SYNDIG1: variants seen among roughly 807,000 people sequenced by gnomAD.
The protein encoded by SYNDIG1 is synapse differentiation inducing 1, also known as synapse differentiation-inducing gene protein 1.
Under a neutral mutation model 19.4 loss-of-function variants are expected in SYNDIG1, and 9 were observed. The observed-to-expected ratio is 0.46, with a 90% CI of 0.28 to 0.81. SYNDIG1 has a LOEUF of 0.81. Among genes scored for constraint, SYNDIG1 ranks in the 30% least tolerant of loss-of-function variants. The pLI is 0.12. For synonymous variants in SYNDIG1, 141 were observed against 145.9 expected, an observed-to-expected ratio of 0.97 and a Z score of 0.24; for missense variants, 311 against 343.3, an observed-to-expected ratio of 0.91 and a Z score of 0.74.
intron 1 of SYNDIG1, among the ~76,000 whole-genome samples, chr20:24,530,805 T>G (rs1425109920): frequency 2.9e-5 from 4 of 138,808 alleles, no homozygotes; most frequent in Admixed American, 6.8e-5. Flanking sequence ...GTTTTTTGGG[T>G]TTTTTGTTTT....
At chr20:24,662,097 A>T (rs1021983639) in intron 3 of SYNDIG1, among the ~76,000 whole-genome samples, 2 of 152,004 alleles carry the variant, frequency 1.3e-5, no homozygotes, top group African/African-American at 2.4e-5. Flanking sequence ...GATAGTGACC[A>T]TTCAACCTAA....
chr20:24,510,957 T>G (rs1380429343), intron 1 of SYNDIG1, among the ~76,000 whole-genome samples: 1 of 152,242 alleles, frequency 6.6e-6, no homozygotes, highest in Admixed American at 6.5e-5. Flanking sequence ...TATTTCAAGT[T>G]TGCTTATTAA....
intron 1 of SYNDIG1, among the ~76,000 whole-genome samples, chr20:24,528,660 A>G (rs2146602294): frequency 6.6e-6 from 1 of 152,300 alleles, no homozygotes; most frequent in South Asian, 2.1e-4. Context: ...CGAGGGCTTA[A>G]TCACCTCCAA....
intron 1 of SYNDIG1, among the ~76,000 whole-genome samples, chr20:24,486,637 C>T (rs948014170): frequency 3.3e-5 from 5 of 151,382 alleles, no homozygotes; most frequent in South Asian, 2.1e-4. Flanking sequence ...TTCTTTCTTT[C>T]ATTTATTTAT....
At chr20:24,603,075 G>C (rs1267196302) in intron 3 of SYNDIG1, among the ~76,000 whole-genome samples, 1 of 152,122 alleles carries the variant, frequency 6.6e-6, no homozygotes, top group Admixed American at 6.5e-5. Flanking sequence ...TTATTTAAAT[G>C]CTACAAAGAG....
chr20:24,623,396 G>A (rs963271059), intron 3 of SYNDIG1, among the ~76,000 whole-genome samples: 1 of 152,060 alleles, frequency 6.6e-6, no homozygotes, highest in South Asian at 2.1e-4. Context: ...ATAAGAAATA[G>A]CAAGGAAATT....
chr20:24,580,210 G>A (rs978027123), intron 2 of SYNDIG1, among the ~76,000 whole-genome samples: 3 of 152,164 alleles, frequency 2.0e-5, no homozygotes, highest in Admixed American at 6.5e-5. Context: ...CTTGGTGTTG[G>A]GGATTGTGTG....
intron 3 of SYNDIG1, among the ~76,000 whole-genome samples, chr20:24,616,032 G>C (rs972938086): frequency 2.0e-5 from 3 of 152,176 alleles, no homozygotes; most frequent in Non-Finnish European, 4.4e-5. Flanking sequence ...AGAAACCACA[G>C]ATGTCTTCAC....
chr20:24,518,338 ACT>A (rs2056931856), intron 1 of SYNDIG1, among the ~76,000 whole-genome samples: 1 of 151,484 alleles, frequency 6.6e-6, no homozygotes, highest in African/African-American at 2.4e-5. Flanking sequence ...AGCAATGGGG[ACT>A]CTTTGCAGTC....
intron 1 of SYNDIG1, among the ~76,000 whole-genome samples, chr20:24,488,950 T>C (rs563138019): frequency 2.0e-5 from 3 of 152,316 alleles, no homozygotes; most frequent in East Asian, 1.9e-4. Context: ...TCCTGTTCTA[T>C]GTGAAAAGCC....
At chr20:24,639,858 C>T (rs2059353097) in intron 3 of SYNDIG1, among the ~76,000 whole-genome samples, 1 of 152,116 alleles carries the variant, frequency 6.6e-6, no homozygotes, top group Non-Finnish European at 1.5e-5. Flanking sequence ...ATTAGCACTG[C>T]CTTATAAGCA....
At chr20:24,606,020 G>A (rs890121384) in intron 3 of SYNDIG1, among the ~76,000 whole-genome samples, 10 of 152,200 alleles carry the variant, frequency 6.6e-5, no homozygotes, top group African/African-American at 1.2e-4. Flanking sequence ...TTTTAAGATC[G>A]AGGACTTCTG....
At chr20:24,617,146 G>A (rs1170473557) in intron 3 of SYNDIG1, among the ~76,000 whole-genome samples, 6 of 152,126 alleles carry the variant, frequency 3.9e-5, no homozygotes, top group Non-Finnish European at 1.5e-5. Context: ...AGAAGAGGTG[G>A]CCGCCTGGGT....
At chr20:24,603,359 T>G (rs1367765530) in intron 3 of SYNDIG1, among the ~76,000 whole-genome samples, 1 of 152,032 alleles carries the variant, frequency 6.6e-6, no homozygotes, top group Non-Finnish European at 1.5e-5. Flanking sequence ...TGGGGAGAGC[T>G]TCATTCCTAG....
At chr20:24,481,752 A>C (rs548173725) in intron 1 of SYNDIG1, among the ~76,000 whole-genome samples, 2 of 152,326 alleles carry the variant, frequency 1.3e-5, no homozygotes, top group East Asian at 3.9e-4. Flanking sequence ...GCTGGCGGGG[A>C]GAGCTGAATT....
chr20:24,575,675 T>A (rs1012344994), intron 2 of SYNDIG1, among the ~76,000 whole-genome samples: 1 of 152,086 alleles, frequency 6.6e-6, no homozygotes, highest in Non-Finnish European at 1.5e-5. Context: ...CCTAACTGGA[T>A]TATTTTCTTC....
chr20:24,560,656 T>C (rs1317969849), intron 2 of SYNDIG1, among the ~76,000 whole-genome samples: 15 of 151,228 alleles, frequency 9.9e-5, no homozygotes, highest in Non-Finnish European at 2.2e-4. Flanking sequence ...CCAACAACTG[T>C]GCCCCTGCCC....
chr20:24,635,477 T>C (rs888544702), intron 3 of SYNDIG1, among the ~76,000 whole-genome samples: 3 of 152,218 alleles, frequency 2.0e-5, no homozygotes, highest in African/African-American at 7.2e-5. Context: ...AAAAGCTCAC[T>C]GCAGATTCAG....
At chr20:24,640,407 TGA>T (rs368644711) in intron 3 of SYNDIG1, among the ~76,000 whole-genome samples, 8 of 113,054 alleles carry the variant, frequency 7.1e-5, no homozygotes, top group African/African-American at 2.7e-4. Flanking sequence ...GAAAAGAAAG[TGA>T]GAGAGGGAGA....
Sources: allele counts gnomAD v4.1 joint callset (sites outside exome capture counted in the v4.1 genomes callset), GRCh38; gene constraint gnomAD v4.1.1; transcripts MANE v1.5; gene names NCBI Gene and HGNC (gene_info 2026-07-23, HGNC 2026-07-21).